The following SGSM2 variants were observed in gnomAD, a reference collection of about 807,000 sequenced individuals.
SGSM2 encodes small G protein signaling modulator 2, also known as RUN and TBC1 domain containing 1.
SGSM2 carries 89 observed loss-of-function variants against 126.6 expected under a neutral mutation model. The ratio of observed to expected loss-of-function variants is 0.70; its 90% CI spans 0.59 to 0.84. The LOEUF (loss-of-function observed/expected upper bound fraction) is 0.84. Among genes scored for constraint, SGSM2 ranks in the 40% least tolerant of loss-of-function variants. The probability of loss-of-function intolerance (pLI) is 0.00; values close to 1 mark genes in which losing one functional copy is unlikely to be tolerated. For synonymous variants in SGSM2, 614 were observed against 574.3 expected (o/e 1.07, Z -0.99); for missense variants, 1,404 against 1,416.6 (o/e 0.99, Z 0.14).
At position 2,337,693 on chromosome 17, in the gene SGSM2, G is replaced by A. The variant is rs773557600; in HGVS notation, c.5G>A (p.Gly2Asp). 2 of 1,521,896 alleles carry A rather than the reference G, an allele frequency of 1.3e-6. No individual in the cohort carries two copies. Among genetic ancestry groups the A allele is most frequent in the East Asian group, 5.3e-5 (2 of 37,518 alleles). The allele number at this position is 1,521,896 out of a possible 1,614,324, so 94.3% of individuals were successfully genotyped here. A position where few individuals can be genotyped will look rare whatever the true frequency, so the allele number is the denominator to read the frequency against. The change falls in exon 1 of 24, where the codon GGC (glycine) becomes GAC (aspartate). Residue 2 changes from glycine to aspartate, a missense_variant. Coordinates refer to ENST00000268989, the MANE Select transcript of SGSM2 (RefSeq NM_014853.3). The surrounding 1 kb of genome is among the most constrained non-coding windows in gnomAD (Gnocchi z 5.1). ...GGCGCCGCCTCCTGCCACACCATGG[G>A]CAGCGCAGAGGACGCAGTCAAAGAG... is the stretch of plus-strand genomic sequence containing the variant. M[G>D]SAEDAVKEKL...
At chr17:2,354,605 C>T (rs527539152) in intron 2 of SGSM2, among the ~76,000 whole-genome samples, 4 of 152,324 alleles carry the variant, frequency 2.6e-5, no homozygotes, top group South Asian at 4.1e-4. Context: ...TAAATAATCA[C>T]GCAGTTATAT....
At position 2,352,784 on chromosome 17, in the gene SGSM2, T is replaced by C. The variant is rs1481090649; in HGVS notation, c.134-8853T>C. ...TGCATTTTCTTTTTTTTTTTTTTTT[T>C]TTTTTTTTTTTGAGACGGAGTCTCG... On this transcript the variant is annotated intron_variant, in intron 2 of 23. Transcript: ENST00000268989. Among the ~76,000 whole-genome samples the C allele has an allele frequency of 2.1e-4, 29 of 136,684 alleles. No homozygotes were observed. In the South Asian group the frequency reaches 2.7e-3, roughly 13 times the overall value. 89.7% of individuals were successfully genotyped at this position (136,684 alleles called of 152,430 possible). A position where few individuals can be genotyped will look rare whatever the true frequency, so the allele number is the denominator to read the frequency against.
At chr17:2,354,893 G>A in intron 2 of SGSM2, among the ~76,000 whole-genome samples, 1 of 146,336 alleles carries the variant, frequency 6.8e-6, no homozygotes, top group East Asian at 1.9e-4. Flanking sequence ...TAAGCGTTGG[G>A]GAAGGGACCC....
In SGSM2 at chr17:2,379,080, G is replaced by A. The variant is rs865827412; in HGVS notation, c.2944G>A (p.Ala982Thr). Residue 982 changes from alanine (A) to threonine (T), a missense_variant, in exon 23 of 24, where the codon GCA (alanine) becomes ACA (threonine). Physicochemically the swap from Ala to Thr is moderately conservative, Grantham distance 58 (BLOSUM62 0). Coordinates refer to ENST00000268989, the MANE Select transcript of SGSM2 (RefSeq NM_014853.3). ...GTTTGCTGTGTGGGAGGTGATCTGG[G>A]CAGCCAGGCACATCTCATCGGAGCA... ...DVFAVWEVIWAARHISSEHFV... is the reference protein window; with the variant it reads ...DVFAVWEVIWTARHISSEHFV... The A allele has an allele frequency of 1.9e-6, 3 of 1,614,186 alleles. No homozygotes were observed. The highest frequency in any genetic ancestry group is 3.3e-4 in the Middle Eastern group (2 of 6,062).
chr17:2,352,996 C>G (rs2064933984), intron 2 of SGSM2, among the ~76,000 whole-genome samples: 1 of 151,706 alleles, frequency 6.6e-6, no homozygotes, highest in Non-Finnish European at 1.5e-5. Flanking sequence ...CCAGGATGGT[C>G]TGGATCTCCT....
chr17:2,379,451 T>G lies in SGSM2; in HGVS notation c.3087T>G (p.Asp1029Glu). ...KFFNERAEHH[D>E]AQEILRIARD... ...CCCCAGAACGTGCTGAGCATCACGA[T>G]GCCCAGGAGATCCTGCGGATTGCCC... The change falls in exon 24 of 24, where the codon GAT becomes GAG. Residue 1029 changes from aspartate (D) to glutamate (E), a missense_variant. By Grantham distance (45) the Asp-to-Glu change is conservative (BLOSUM62 2). Transcript: ENST00000268989. The G allele has an allele frequency of 6.2e-7, 1 of 1,613,362 alleles. No homozygotes were observed. The highest frequency in any genetic ancestry group is 8.5e-7 in the Non-Finnish European group (1 of 1,179,528).
Position 2,373,396 on chromosome 17 carries a change from G to C in SGSM2, c.1983G>C (p.Val661=). 6.2e-7 allele frequency: 1 copy of C among 1,612,784 alleles called. No individual in the cohort carries two copies. The highest frequency in any genetic ancestry group is 1.1e-5 in the South Asian group (1 of 91,068). The change falls in exon 17 of 24, where the codon GTG becomes GTC. Residue 661 remains valine, a synonymous_variant. Coordinates refer to ENST00000268989, the MANE Select transcript of SGSM2 (RefSeq NM_014853.3). ...CAGAGTGGAAGGCCTGCGAGGTGGTGGTGAGGCAGCGGGAGCGGGAGGCCC... is the reference window on the plus strand; with the variant it reads ...CAGAGTGGAAGGCCTGCGAGGTGGTCGTGAGGCAGCGGGAGCGGGAGGCCC... ...VLAEWKACEV[V]VRQREREAHP...
chr17:2,340,305 G>T (rs2064292384), intron 1 of SGSM2, among the ~76,000 whole-genome samples: 1 of 151,878 alleles, frequency 6.6e-6, no homozygotes, highest in Non-Finnish European at 1.5e-5. Flanking sequence ...AGTAGAGATG[G>T]GGTTTCACCA....
chr17:2,364,714 G>C (rs756180004), intron 9 of SGSM2, 51 bp downstream of exon 9: 1 of 1,600,612 alleles, frequency 6.2e-7, no homozygotes, highest in Non-Finnish European at 8.6e-7. Context: ...GCTGCCTTCT[G>C]CCAGCTGTGC....
intron 1 of SGSM2, among the ~76,000 whole-genome samples, chr17:2,342,958 C>T (rs1027694212): frequency 1.6e-4 from 24 of 152,192 alleles, no homozygotes; most frequent in Admixed American, 1.3e-3. Context: ...GCCTGGGCAA[C>T]AGAGCGAGAC....
chr17:2,340,830 C>A (rs1032554134), intron 1 of SGSM2, among the ~76,000 whole-genome samples: 1 of 152,032 alleles, frequency 6.6e-6, no homozygotes, highest in Non-Finnish European at 1.5e-5. Context: ...GTGATCCGCC[C>A]ACCTTGGCCT....
intron 16 of SGSM2, 57 bp downstream of exon 16, chr17:2,373,138 C>T (rs2302470): frequency 0.14 from 226,364 of 1,597,842 alleles, 18,998 homozygotes; most frequent in Admixed American, 0.36. Context: ...CCAGGGGACG[C>T]CAGGGAGGGG....
rs1401152395 is a variant in SGSM2, at chr17:2,360,359, A to G, written c.134-1278A>G. Among the ~76,000 whole-genome samples, 3 of 152,172 alleles carry G rather than the reference A, an allele frequency of 2.0e-5. 1 individual carries two copies. Among genetic ancestry groups the G allele is most frequent in the South Asian group, 2.1e-4 (1 of 4,832 alleles). ...GGGTCCCTGTCTCAAAAATAAAAAT[A>G]AAAAAACCTTGACAGACCTCAATTT... On this transcript the variant is annotated intron_variant, in intron 2 of 23. Coordinates refer to ENST00000268989, the MANE Select transcript of SGSM2 (RefSeq NM_014853.3).
rs2066198151 is a variant in SGSM2, at chr17:2,377,027, G to T, written c.2761G>T (p.Ala921Ser). The T allele has an allele frequency of 1.2e-6, 2 of 1,613,840 alleles. No individual in the cohort carries two copies. Among genetic ancestry groups the T allele is most frequent in the Admixed American group, 1.7e-5 (1 of 60,014 alleles). Residue 921 changes from alanine (A) to serine (S), a missense_variant, in exon 21 of 24, where the codon GCC (alanine) becomes TCC (serine). By Grantham distance (99) the Ala-to-Ser change is moderately conservative. Coordinates refer to ENST00000268989, the MANE Select transcript of SGSM2 (RefSeq NM_014853.3). ...GAGCCAGAACTTCCCCAACGGGGGT[G>T]CCATGGACACCCACTTTGCCAACAT... ...RMSQNFPNGG[A>S]MDTHFANMRS...
Position 2,379,856 on chromosome 17 carries a change from G to T in SGSM2, c.*336G>T, listed in dbSNP as rs1045780611. 2.3e-6 allele frequency: 3 copies of T among 1,304,804 alleles called. No individual in the cohort carries two copies. The highest frequency in any genetic ancestry group is 1.5e-5 in the African/African-American group (1 of 67,890). 80.8% of individuals were successfully genotyped at this position (1,304,804 alleles called of 1,614,324 possible). On this transcript the variant is annotated 3_prime_UTR_variant, in exon 24 of 24. Coordinates refer to ENST00000268989, the MANE Select transcript of SGSM2 (RefSeq NM_014853.3). ...GACTGCTGCCCACGAGTGAACCTGG[G>T]GCCCCACAGGATTAACAGGGGCTAT... is the stretch of plus-strand genomic sequence containing the variant.
At chr17:2,338,111 G>A (rs1159731429) in intron 1 of SGSM2, among the ~76,000 whole-genome samples, 9 of 152,086 alleles carry the variant, frequency 5.9e-5, no homozygotes, top group African/African-American at 2.2e-4. Flanking sequence ...GGGGCCCCGC[G>A]CGAGCTCCCG....
At position 2,380,404 on chromosome 17, in the gene SGSM2, G is replaced by C; in HGVS notation, c.*884G>C. The C allele has an allele frequency of 8.6e-7, 1 of 1,168,664 alleles. No individual in the cohort carries two copies. The highest frequency in any genetic ancestry group is 1.3e-5 in the South Asian group (1 of 75,972). 72.4% of individuals were successfully genotyped at this position (1,168,664 alleles called of 1,614,324 possible). A position where few individuals can be genotyped will look rare whatever the true frequency, so the allele number is the denominator to read the frequency against. On this transcript the variant is annotated 3_prime_UTR_variant, in exon 24 of 24. Transcript: ENST00000268989. ...CGGTCACAGCCTCCCCTCAGAGACA[G>C]GCCTCAGTTCGAGGGCAGCCCATTA... is the stretch of plus-strand genomic sequence containing the variant.
At position 2,337,682 on chromosome 17, in the gene SGSM2, C is replaced by A; in HGVS notation, c.-7C>A. The A allele has an allele frequency of 6.7e-7, 1 of 1,496,770 alleles. No homozygotes were observed. Among genetic ancestry groups the A allele is most frequent in the Non-Finnish European group, 9.0e-7 (1 of 1,115,628 alleles). 92.7% of individuals were successfully genotyped at this position (1,496,770 alleles called of 1,614,324 possible). A position where few individuals can be genotyped will look rare whatever the true frequency, so the allele number is the denominator to read the frequency against. ...GAGGACCGCTCGGCGCCGCCTCCTG[C>A]CACACCATGGGCAGCGCAGAGGACG... On this transcript the variant is annotated 5_prime_UTR_variant, in exon 1 of 24. Transcript: ENST00000268989. This position sits in a 1 kb window ranked among gnomAD's most constrained non-coding sequence, Gnocchi z 5.1.
At position 2,372,670 on chromosome 17, in the gene SGSM2, A is replaced by T; in HGVS notation, c.1788+182A>T. On this transcript the variant is annotated intron_variant, in intron 15 of 23. Transcript: ENST00000268989. This position sits in a 1 kb window ranked among gnomAD's most constrained non-coding sequence, Gnocchi z 6.0. Reference sequence around the variant, plus strand: ...GGGGCTGACACGGGAAGGGGGCTGGACTGGGAAGCCGTCCTGCCTCCACAT... The same window carrying T: ...GGGGCTGACACGGGAAGGGGGCTGGTCTGGGAAGCCGTCCTGCCTCCACAT... 1 of 941,378 alleles carries T rather than the reference A, an allele frequency of 1.1e-6. No homozygotes were observed. Among genetic ancestry groups the T allele is most frequent in the Non-Finnish European group, 1.6e-6 (1 of 623,912 alleles). 58.3% of individuals were successfully genotyped at this position (941,378 alleles called of 1,614,324 possible).
Sources: gnomAD v4.1 joint callset for allele counts (sites outside exome capture counted in the v4.1 genomes callset) on GRCh38, gnomAD v4.1.1 for gene constraint, Gnocchi (gnomAD v3.1) non-coding constraint, MANE v1.5 for transcripts, NCBI Gene and HGNC (gene_info 2026-07-23, HGNC 2026-07-21) for gene names.